Variants in NDST1 observed in about 807,000 individuals in gnomAD.
NDST1 encodes the protein N-deacetylase and N-sulfotransferase 1.
NDST1 carries 35 observed loss-of-function variants against 92.8 expected under a neutral mutation model. The ratio of observed to expected loss-of-function variants is 0.38; its 90% CI spans 0.29 to 0.50. NDST1 has a LOEUF of 0.50. Ranked by LOEUF, NDST1 falls within the 20% of genes least tolerant of loss-of-function variation. The probability of loss-of-function intolerance (pLI) is 0.94; values close to 1 mark genes in which losing one functional copy is unlikely to be tolerated. For missense variants in NDST1, 822 were observed against 1,182.7 expected (o/e 0.69, Z 4.47); for synonymous variants, 493 against 500.3 (o/e 0.99, Z 0.19).
In NDST1 at chr5:150,539,278, C is replaced by A; in HGVS notation, c.1488C>A (p.Asn496Lys). Residue 496 changes from asparagine (N) to lysine (K), a missense_variant, in exon 7 of 15, where the codon AAC becomes AAA. Asn to Lys is a moderately conservative substitution (Grantham distance 94, BLOSUM62 0). Coordinates refer to ENST00000261797, the MANE Select transcript of NDST1 (RefSeq NM_001543.5). ...TCTTCACACACACCATCTTCTACAA[C>A]GAGTACCCTGGCGGCTCCAGTGAGC... ...CGLFTHTIFY[N>K]EYPGGSSELD... 1 of 1,614,112 alleles carries A rather than the reference C, an allele frequency of 6.2e-7. No individual in the cohort carries two copies. The highest frequency in any genetic ancestry group is 8.5e-7 in the Non-Finnish European group (1 of 1,180,012).
At chr5:150,533,086 C>T (rs1466448182) in intron 4 of NDST1, 54 bp downstream of exon 4, 1 of 1,533,032 alleles carries the variant, frequency 6.5e-7, no homozygotes, top group Non-Finnish European at 9.0e-7. Flanking sequence ...CCTCAGCACC[C>T]AAACCCTCAA....
At chr5:150,540,800 G>A (rs1246756274) in intron 8 of NDST1, among the ~76,000 whole-genome samples, 1 of 152,214 alleles carries the variant, frequency 6.6e-6, no homozygotes, top group African/African-American at 2.4e-5. Flanking sequence ...GGGCAACAGA[G>A]TGAGACCCTG....
rs1755837538 is a variant in NDST1, at chr5:150,554,791, G to A, written c.*1459G>A. On this transcript the variant is annotated 3_prime_UTR_variant, in exon 15 of 15. Coordinates refer to ENST00000261797, the MANE Select transcript of NDST1 (RefSeq NM_001543.5). ...GATGCCCACCAAGGCCCACAGAACTGTCTCCAGGCCCTTGTAGACAGTGGG... is the reference window on the plus strand; with the variant it reads ...GATGCCCACCAAGGCCCACAGAACTATCTCCAGGCCCTTGTAGACAGTGGG... 6.5e-6 allele frequency: 1 copy of A among 152,786 alleles called. No individual in the cohort carries two copies. Among genetic ancestry groups the A allele is most frequent in the South Asian group, 2.1e-4 (1 of 4,834 alleles). The allele number at this position is 152,786 out of a possible 1,614,324, so 9.5% of individuals were successfully genotyped here. A position where few individuals can be genotyped will look rare whatever the true frequency, so the allele number is the denominator to read the frequency against.
At chr5:150,529,029 T>C (rs1236143267) in intron 3 of NDST1, among the ~76,000 whole-genome samples, 1 of 152,122 alleles carries the variant, frequency 6.6e-6, no homozygotes, top group Non-Finnish European at 1.5e-5. Context: ...GGATGAGAGC[T>C]TGAATCATGC....
chr5:150,546,156 C>T (rs1040027284), intron 11 of NDST1, among the ~76,000 whole-genome samples: 2 of 152,084 alleles, frequency 1.3e-5, no homozygotes, highest in African/African-American at 4.8e-5. Context: ...CACCACCACG[C>T]CAGGCTAATT....
Position 150,539,493 on chromosome 5 carries a change from C to T in NDST1, c.1566+137C>T, listed in dbSNP as rs117236651. 2.0e-4 allele frequency: 322 copies of T among 1,574,706 alleles called. 1 individual carries two copies. The East Asian group carries it at 6.3e-3, about 31-fold the overall frequency. The stretch of plus-strand genomic sequence containing the variant: ...GCCTGGCAGTTGGGAGACCCACTCT[C>T]CAGCACTGGCCCTGCCTCGGCTGTG... On this transcript the variant is annotated intron_variant, in intron 7 of 14. Transcript: ENST00000261797.
At chr5:150,499,843 G>A (rs1217858122) in intron 1 of NDST1, among the ~76,000 whole-genome samples, 3 of 152,208 alleles carry the variant, frequency 2.0e-5, no homozygotes, top group African/African-American at 7.2e-5. Context: ...CTCTCATGGT[G>A]GGCTTGGAGG....
At chr5:150,537,475 G>A (rs1230593924) in intron 6 of NDST1, among the ~76,000 whole-genome samples, 1 of 152,184 alleles carries the variant, frequency 6.6e-6, no homozygotes, top group East Asian at 1.9e-4. Flanking sequence ...GTTGATAAGG[G>A]ATGAAATAAG....
Position 150,552,642 on chromosome 5 carries a change from C to T in NDST1, c.2530-571C>T, listed in dbSNP as rs117763723. The T allele has an allele frequency of 8.1e-3, 1,673 of 206,738 alleles. 67 individuals carry two copies. The East Asian group carries it at 0.12, about 15-fold the overall frequency. 12.8% of individuals were successfully genotyped at this position (206,738 alleles called of 1,614,324 possible). On this transcript the variant is annotated intron_variant, in intron 14 of 14. Coordinates refer to ENST00000261797, the MANE Select transcript of NDST1 (RefSeq NM_001543.5). ...TGCTGGTATTATAGGTGTGAACCAC[C>T]GTGCCTGGCCCTGGCCCTGCCCGCC...
At chr5:150,539,384 G>T (rs1261009129) in intron 7 of NDST1, 28 bp downstream of exon 7, 1 of 1,613,554 alleles carries the variant, frequency 6.2e-7, no homozygotes, top group Non-Finnish European at 8.5e-7. Flanking sequence ...CATGGCTGCT[G>T]GTGAGAAGGG....
At chr5:150,532,833 T>G in intron 3 of NDST1, 112 bp from the exon 4 acceptor site, 2 of 1,018,794 alleles carry the variant, frequency 2.0e-6, no homozygotes, top group Non-Finnish European at 3.1e-6. Flanking sequence ...TCCTTGACAT[T>G]CTTTATAATT....
At position 150,553,747 on chromosome 5, in the gene NDST1, A is replaced by G; in HGVS notation, c.*415A>G. On this transcript the variant is annotated 3_prime_UTR_variant, in exon 15 of 15. Transcript: ENST00000261797. This position sits in a 1 kb window ranked among gnomAD's most constrained non-coding sequence, Gnocchi z 4.2. The stretch of plus-strand genomic sequence containing the variant: ...TGTCCTCCAGGCTGTAGGGGAGGAG[A>G]GCCTGGCCGGGGGAGACAGACTGGA... 2.4e-6 allele frequency: 1 copy of G among 416,188 alleles called. No homozygotes were observed. Among genetic ancestry groups the G allele is most frequent in the Non-Finnish European group, 4.5e-6 (1 of 222,422 alleles). The allele number at this position is 416,188 out of a possible 1,614,324, so 25.8% of individuals were successfully genotyped here.
intron 3 of NDST1, among the ~76,000 whole-genome samples, chr5:150,532,042 C>T (rs1159175584): frequency 6.6e-6 from 1 of 152,178 alleles, no homozygotes; most frequent in African/African-American, 2.4e-5. Context: ...GATGAAGACA[C>T]AGGCTTACAG....
At chr5:150,528,381 C>A in intron 3 of NDST1, 83 bp downstream of exon 3, 1 of 1,436,790 alleles carries the variant, frequency 7.0e-7, no homozygotes, top group Non-Finnish European at 9.4e-7. Flanking sequence ...TGGGTGTGCC[C>A]TGTCTGCATC....
Position 150,540,183 on chromosome 5 carries a change from C to T in NDST1, c.1668C>T (p.Leu556=). Residue 556 remains leucine (L), a synonymous_variant, in exon 8 of 15, where the codon CTC becomes CTT. Coordinates refer to ENST00000261797, the MANE Select transcript of NDST1 (RefSeq NM_001543.5). ...LVRFLHSWTN[L]RLQTLPPVQL... is the part of the protein sequence containing the mutation. ...GCTTCCTGCACTCCTGGACGAACCTCCGGCTGCAGACACTGCCCCCTGTGC... is the reference window on the plus strand; with the variant it reads ...GCTTCCTGCACTCCTGGACGAACCTTCGGCTGCAGACACTGCCCCCTGTGC... 1 of 1,614,244 alleles carries T rather than the reference C, an allele frequency of 6.2e-7. No homozygotes were observed. The highest frequency in any genetic ancestry group is 8.5e-7 in the Non-Finnish European group (1 of 1,180,040).
chr5:150,540,135 G>A lies in NDST1; in HGVS notation c.1620G>A (p.Leu540=), dbSNP rs1434266586. Reference sequence around the variant, plus strand: ...ACTATGGGAATGACCGCCTGGGCCTGTACACCTTCAAGCACCTGGTGCGCT... The same window carrying A: ...ACTATGGGAATGACCGCCTGGGCCTATACACCTTCAAGCACCTGGTGCGCT... ...LSNYGNDRLG[L]YTFKHLVRFL... The change falls in exon 8 of 15, where the codon CTG becomes CTA. Residue 540 remains leucine (L), a synonymous_variant. Transcript: ENST00000261797. The A allele has an allele frequency of 6.2e-7, 1 of 1,614,214 alleles. No individual in the cohort carries two copies.
chr5:150,555,893 CA>C lies in NDST1; in HGVS notation c.*2562del, dbSNP rs1755859358. 6.6e-6 allele frequency: 1 copy of C among 152,304 alleles called. No homozygotes were observed. Among genetic ancestry groups the C allele is most frequent in the African/African-American group, 2.4e-5 (1 of 41,436 alleles). 9.4% of individuals were successfully genotyped at this position (152,304 alleles called of 1,614,324 possible). ...CTGCAAGCCTGGAGACTGGACCTGC[CA>C]CATGTTCCAAGTCTGTCTGCCTAGG... On this transcript the variant is annotated 3_prime_UTR_variant, in exon 15 of 15. Transcript: ENST00000261797.
At chr5:150,522,549 A>T (rs377101839) in intron 2 of NDST1, among the ~76,000 whole-genome samples, 36 of 152,206 alleles carry the variant, frequency 2.4e-4, no homozygotes, top group African/African-American at 7.9e-4. Context: ...GATGCTTTGG[A>T]GGTGGCAGGG....
intron 4 of NDST1, among the ~76,000 whole-genome samples, chr5:150,533,943 C>T (rs533058406): frequency 2.0e-5 from 3 of 151,608 alleles, no homozygotes; most frequent in Admixed American, 6.6e-5. Flanking sequence ...AATAGCCCGG[C>T]GTGGTGGTGT....
Sources: gnomAD v4.1 joint callset for allele counts (sites outside exome capture counted in the v4.1 genomes callset) on GRCh38, gnomAD v4.1.1 for gene constraint, Gnocchi (gnomAD v3.1) non-coding constraint, MANE v1.5 for transcripts, NCBI Gene and HGNC (gene_info 2026-07-23, HGNC 2026-07-21) for gene names.